Variants in KAZN observed in about 807,000 individuals in gnomAD.
KAZN encodes the protein kazrin, periplakin interacting protein.
Under a neutral mutation model 87.4 loss-of-function variants are expected in KAZN, and 40 were observed. The ratio of observed to expected loss-of-function variants is 0.46; its 90% CI spans 0.36 to 0.60. The LOEUF (loss-of-function observed/expected upper bound fraction) is 0.60. Among genes scored for constraint, KAZN ranks in the 20% least tolerant of loss-of-function variants. The probability of loss-of-function intolerance (pLI) is 0.00; values close to 1 mark genes in which losing one functional copy is unlikely to be tolerated. For synonymous variants in KAZN, 466 were observed against 458.3 expected (o/e 1.02, Z -0.22); for missense variants, 898 against 1,073.9 (o/e 0.84, Z 2.29).
rs763416414 is a variant in KAZN, at chr1:14,846,499, AAAAAAC to A, written c.227-114167_227-114162del. Reference sequence around the variant, plus strand: ...TGCTTTCAACAGACCGTGAGATATTAAAAAACAAAAACAAAAACAAAAAAACCTAGA... The same window carrying A: ...TGCTTTCAACAGACCGTGAGATATTAAAAAACAAAAACAAAAAAACCTAGA... On this transcript the variant is annotated intron_variant, in intron 1 of 14. Coordinates refer to ENST00000376030, the MANE Select transcript of KAZN (RefSeq NM_201628.3). Among the ~76,000 whole-genome samples the A allele has an allele frequency of 1.1e-3, 173 of 152,310 alleles. 1 individual carries two copies. Among genetic ancestry groups the A allele is most frequent in the Middle Eastern group, 3.4e-3 (1 of 294 alleles).
intron 2 of KAZN, among the ~76,000 whole-genome samples, chr1:15,009,806 A>G (rs938432956): frequency 6.6e-6 from 1 of 152,184 alleles, no homozygotes; most frequent in African/African-American, 2.4e-5. Context: ...GACCCCAAAC[A>G]TTCATCAACC....
intron 1 of KAZN, among the ~76,000 whole-genome samples, chr1:14,094,756 A>G (rs1350225577): frequency 1.3e-5 from 2 of 152,152 alleles, no homozygotes; most frequent in Non-Finnish European, 2.9e-5. Flanking sequence ...GGTTCTTTCT[A>G]CACAATTCAG....
chr1:14,434,069 C>T (rs1666237529), intron 2 of KAZN, among the ~76,000 whole-genome samples: 1 of 152,222 alleles, frequency 6.6e-6, no homozygotes, highest in African/African-American at 2.4e-5. Flanking sequence ...GTTTAAGCCA[C>T]CGGTGCATGG....
At chr1:14,936,655 A>G (rs1322635570) in intron 1 of KAZN, among the ~76,000 whole-genome samples, 1 of 152,096 alleles carries the variant, frequency 6.6e-6, no homozygotes, top group African/African-American at 2.4e-5. Flanking sequence ...ATAAGTACTT[A>G]CCAGGCCCCC....
chr1:15,050,144 A>C (rs1377077351), intron 4 of KAZN, among the ~76,000 whole-genome samples: 5 of 117,192 alleles, frequency 4.3e-5, no homozygotes, highest in Non-Finnish European at 8.3e-5. Flanking sequence ...TCTCAATAGA[A>C]TAATAGAATA....
intron 2 of KAZN, among the ~76,000 whole-genome samples, chr1:14,245,758 T>A (rs1649440788): frequency 6.6e-6 from 1 of 152,208 alleles, no homozygotes; most frequent in Non-Finnish European, 1.5e-5. Flanking sequence ...TCACTGTTTT[T>A]ATTCATTGCT....
intron 2 of KAZN, among the ~76,000 whole-genome samples, chr1:14,265,009 C>T (rs1651363472): frequency 6.6e-6 from 1 of 152,198 alleles, no homozygotes; most frequent in Admixed American, 6.5e-5. Context: ...TTTATACATA[C>T]ATGAAAGTAT....
intron 1 of KAZN, among the ~76,000 whole-genome samples, chr1:14,806,826 C>T (rs965542115): frequency 1.3e-5 from 2 of 152,142 alleles, no homozygotes; most frequent in Non-Finnish European, 2.9e-5. Flanking sequence ...AGTTTGAATC[C>T]AGATAGTCTG....
intron 1 of KAZN, chr1:14,924,063 C>A: frequency 2.6e-6 from 2 of 764,400 alleles, no homozygotes; most frequent in South Asian, 6.6e-5. Context: ...GGGGGCGGGG[C>A]GGGGGCGGGG....
chr1:14,507,039 A>T (rs1670621092), intron 2 of KAZN, among the ~76,000 whole-genome samples: 1 of 152,148 alleles, frequency 6.6e-6, no homozygotes, highest in Admixed American at 6.5e-5. Context: ...CCAAACATAG[A>T]TTTTCGTTTG....
chr1:14,112,440 C>CTT (rs1644520172), intron 1 of KAZN, among the ~76,000 whole-genome samples: 3 of 77,716 alleles, frequency 3.9e-5, no homozygotes, highest in Admixed American at 1.2e-4. Context: ...TGTGGGTTGT[C>CTT]AACAGTCTTG....
At chr1:14,930,430 C>A (rs1304192083) in intron 1 of KAZN, among the ~76,000 whole-genome samples, 1 of 152,204 alleles carries the variant, frequency 6.6e-6, no homozygotes, top group Non-Finnish European at 1.5e-5. Flanking sequence ...CACAGCACAG[C>A]CTCAGCAGCA....
chr1:14,556,666 C>A (rs1673901214), intron 2 of KAZN, among the ~76,000 whole-genome samples: 1 of 152,062 alleles, frequency 6.6e-6, no homozygotes, highest in Non-Finnish European at 1.5e-5. Context: ...AACAAGTAAC[C>A]ATTCATGCAA....
At chr1:14,973,309 T>G (rs146566136) in intron 2 of KAZN, among the ~76,000 whole-genome samples, 38 of 152,336 alleles carry the variant, frequency 2.5e-4, no homozygotes, top group Non-Finnish European at 4.7e-4. Flanking sequence ...ATGTTAGGAA[T>G]AACGCTCAAA....
At chr1:14,909,223 G>A (rs907298940) in intron 1 of KAZN, among the ~76,000 whole-genome samples, 1 of 152,188 alleles carries the variant, frequency 6.6e-6, no homozygotes, top group Non-Finnish European at 1.5e-5. Flanking sequence ...CGCTATACAT[G>A]AGAGTTATTA....
intron 2 of KAZN, among the ~76,000 whole-genome samples, chr1:14,501,302 A>G (rs1390796217): frequency 1.3e-5 from 2 of 152,114 alleles, no homozygotes; most frequent in African/African-American, 4.8e-5. Context: ...AAGTATCCAG[A>G]TTGGAAAAGT....
chr1:14,657,077 CTTTT>C (rs35046893), intron 1 of KAZN, among the ~76,000 whole-genome samples: 87 of 83,360 alleles, frequency 1.0e-3, no homozygotes, highest in African/African-American at 3.7e-3. Context: ...AAGAGAGAGG[CTTTT>C]TTTTTTTTTT....
chr1:14,141,673 T>G (rs908325990), intron 1 of KAZN, among the ~76,000 whole-genome samples: 3 of 152,122 alleles, frequency 2.0e-5, no homozygotes, highest in Non-Finnish European at 2.9e-5. Flanking sequence ...GTCGGGTACC[T>G]GCCTGGACGA....
chr1:14,102,108 A>T (rs887674126), intron 1 of KAZN, among the ~76,000 whole-genome samples: 5 of 152,158 alleles, frequency 3.3e-5, no homozygotes, highest in Admixed American at 6.5e-5. Context: ...CTTAAAAAAA[A>T]AATAAGTCCC....
Sources: gnomAD v4.1 joint callset for allele counts (sites outside exome capture counted in the v4.1 genomes callset) on GRCh38, gnomAD v4.1.1 for gene constraint, MANE v1.5 for transcripts, NCBI Gene and HGNC (gene_info 2026-07-23, HGNC 2026-07-21) for gene names.